Variants in LRRC38 observed in about 807,000 individuals in gnomAD.
LRRC38 encodes leucine rich repeat containing 38, also known as leucine-rich repeat-containing protein 38.
A neutral mutation model predicts 16.4 loss-of-function variants in LRRC38; 5 were observed. That is an observed-to-expected ratio of 0.31 (90% CI 0.16 to 0.64). The LOEUF (loss-of-function observed/expected upper bound fraction) is 0.64. LRRC38 is among the 30% of genes least tolerant of loss of function. The pLI, the probability that LRRC38 is intolerant of heterozygous loss-of-function variation, is 0.80. For synonymous variants in LRRC38, 191 were observed against 190.2 expected (o/e 1.00, Z -0.04); for missense variants, 341 against 401.8 (o/e 0.85, Z 1.29).
intron 1 of LRRC38, among the ~76,000 whole-genome samples, chr1:13,482,640 A>G (rs965720648): frequency 1.3e-5 from 2 of 151,586 alleles, no homozygotes; most frequent in Non-Finnish European, 2.9e-5. Context: ...GCAAGCTCAC[A>G]GAGGGGGCTT....
chr1:13,511,571 C>A (rs1391367065), intron 1 of LRRC38, among the ~76,000 whole-genome samples: 2 of 152,024 alleles, frequency 1.3e-5, no homozygotes, highest in Non-Finnish European at 2.9e-5. Flanking sequence ...ACCAACCCAA[C>A]CAACAACAGG....
intron 1 of LRRC38, among the ~76,000 whole-genome samples, chr1:13,484,969 C>T (rs1638913084): frequency 1.3e-5 from 2 of 152,200 alleles, no homozygotes; most frequent in South Asian, 4.1e-4. Context: ...CAATACCCTT[C>T]CCTGTTGCCT....
chr1:13,504,387 G>A (rs1017228205), intron 1 of LRRC38, among the ~76,000 whole-genome samples: 3 of 151,992 alleles, frequency 2.0e-5, no homozygotes, highest in African/African-American at 7.3e-5. Context: ...ACACAGATAG[G>A]AAAACAGAAA....
chr1:13,485,908 C>T (rs918320476), intron 1 of LRRC38, among the ~76,000 whole-genome samples: 1 of 151,998 alleles, frequency 6.6e-6, no homozygotes, highest in Non-Finnish European at 1.5e-5. Flanking sequence ...TGGGGAGAAT[C>T]CCTCCTGGAC....
At chr1:13,504,957 C>T (rs1262121077) in intron 1 of LRRC38, among the ~76,000 whole-genome samples, 1 of 152,068 alleles carries the variant, frequency 6.6e-6, no homozygotes, top group Non-Finnish European at 1.5e-5. Flanking sequence ...GTGCTGTTTC[C>T]TGTGCCCCAG....
Position 13,501,277 on chromosome 1 carries a change from A to T in LRRC38, c.631+11686T>A, listed in dbSNP as rs1208897842. Among the ~76,000 whole-genome samples, 4 of 152,128 alleles carry T rather than the reference A, an allele frequency of 2.6e-5. No homozygotes were observed. In the South Asian group the frequency reaches 8.3e-4, roughly 32 times the overall value. ...TATAGTACATATGTATTTATGGCACAGATGTGACATACTAATGCAAGATGT... is the reference window on the plus strand; with the variant it reads ...TATAGTACATATGTATTTATGGCACTGATGTGACATACTAATGCAAGATGT... On this transcript the variant is annotated intron_variant, in intron 1 of 1. Transcript: ENST00000376085.
At chr1:13,484,367 C>T (rs1167813944) in intron 1 of LRRC38, among the ~76,000 whole-genome samples, 1 of 152,150 alleles carries the variant, frequency 6.6e-6, no homozygotes, top group Non-Finnish European at 1.5e-5. Flanking sequence ...CCCATGTCGG[C>T]TATGTGAGGT....
intron 1 of LRRC38, among the ~76,000 whole-genome samples, chr1:13,509,447 T>G (rs186488365): frequency 1.1e-4 from 16 of 152,134 alleles, no homozygotes; most frequent in Admixed American, 1.0e-3. Flanking sequence ...CCAAGCCTCA[T>G]GCCCACTGGC....
chr1:13,487,210 TCAAGATACC>T lies in LRRC38; in HGVS notation c.632-11120_632-11112del, dbSNP rs2100497635. Reference sequence around the variant, plus strand: ...CAGAGTTGGCTTCTGTTGTTTACGCTCAAGATACCCAACCGATGGATTCTAGGACAACGG... The same window carrying T: ...CAGAGTTGGCTTCTGTTGTTTACGCTCAACCGATGGATTCTAGGACAACGG... On this transcript the variant is annotated intron_variant, in intron 1 of 1. Transcript: ENST00000376085. This position sits in a 1 kb window ranked among gnomAD's most constrained non-coding sequence, Gnocchi z 4.4. Among the ~76,000 whole-genome samples, 1 of 152,338 alleles carries T rather than the reference TCAAGATACC, an allele frequency of 6.6e-6. No individual in the cohort carries two copies. Among genetic ancestry groups the T allele is most frequent in the African/African-American group, 2.4e-5 (1 of 41,580 alleles).
chr1:13,491,361 T>C (rs1011104613), intron 1 of LRRC38, among the ~76,000 whole-genome samples: 1 of 152,210 alleles, frequency 6.6e-6, no homozygotes, highest in Non-Finnish European at 1.5e-5. Flanking sequence ...AGGGTCTTAC[T>C]CTGTCACCCA....
At chr1:13,488,509 A>T (rs1638967465) in intron 1 of LRRC38, among the ~76,000 whole-genome samples, 2 of 151,942 alleles carry the variant, frequency 1.3e-5, no homozygotes, top group South Asian at 4.2e-4. Context: ...TGACCTCATG[A>T]TCCACCCACC....
Position 13,501,840 on chromosome 1 carries a change from G to A in LRRC38, c.631+11123C>T, listed in dbSNP as rs140659660. ...TGCCCAGGCTGGAGTGCAGTGGCAC[G>A]ATCTGCACCATTCCTGGGTTCACAC... On this transcript the variant is annotated intron_variant, in intron 1 of 1. Transcript: ENST00000376085. Among the ~76,000 whole-genome samples, 637 of 152,090 alleles carry A rather than the reference G, an allele frequency of 4.2e-3. 2 individuals carry two copies. Among genetic ancestry groups the A allele is most frequent in the African/African-American group, 0.012 (487 of 41,498 alleles).
At chr1:13,486,808 C>T (rs1638941173) in intron 1 of LRRC38, among the ~76,000 whole-genome samples, 1 of 152,096 alleles carries the variant, frequency 6.6e-6, no homozygotes, top group African/African-American at 2.4e-5. Flanking sequence ...CCAGGCTGGT[C>T]TCGAACTCCC....
intron 1 of LRRC38, among the ~76,000 whole-genome samples, chr1:13,503,646 T>C (rs955179093): frequency 6.6e-6 from 1 of 152,144 alleles, no homozygotes; most frequent in Non-Finnish European, 1.5e-5. Context: ...CAGCTGACCC[T>C]GGGGGCATCT....
Position 13,476,035 on chromosome 1 carries a change from C to T in LRRC38, c.696G>A (p.Ser232=), listed in dbSNP as rs892402776. 12 of 1,550,322 alleles carry T rather than the reference C, an allele frequency of 7.7e-6. No homozygotes were observed. The highest frequency in any genetic ancestry group is 2.7e-5 in the African/African-American group (2 of 73,014). Residue 232 remains serine (S), a synonymous_variant, in exon 2 of 2, where the codon TCG becomes TCA. Coordinates refer to ENST00000376085, the MANE Select transcript of LRRC38 (RefSeq NM_001010847.2). ...ESRRISLREL[S]EASFSECRFS... is the part of the protein sequence containing the mutation. ...ACCTACACTCGCTGAAGCTGGCCTC[C>T]GACAGCTCACGCAGGGATATCCTCC...
At chr1:13,478,740 A>C (rs79040918) in intron 1 of LRRC38, among the ~76,000 whole-genome samples, 10,540 of 152,290 alleles carry the variant, frequency 0.069, 484 homozygotes, top group Middle Eastern at 0.17. Context: ...TGCTAATTAC[A>C]CAGCAACCCT....
intron 1 of LRRC38, among the ~76,000 whole-genome samples, chr1:13,481,278 A>AT (rs773135127): frequency 9.9e-5 from 15 of 151,764 alleles, no homozygotes; most frequent in Non-Finnish European, 2.1e-4. Flanking sequence ...TGTCCAGTTA[A>AT]TTTTTTTGTA....
chr1:13,493,080 G>A (rs75426602), intron 1 of LRRC38, among the ~76,000 whole-genome samples: 123,755 of 152,204 alleles, frequency 0.81, 50,487 homozygotes, highest in Middle Eastern at 0.88. Flanking sequence ...CTCGGCTCAC[G>A]AAGTGCTCTC....
chr1:13,493,299 G>A (rs1639040365), intron 1 of LRRC38, among the ~76,000 whole-genome samples: 1 of 151,060 alleles, frequency 6.6e-6, no homozygotes, highest in Non-Finnish European at 1.5e-5. Flanking sequence ...CAGGGCCAGG[G>A]TTGTGGTACG....
Sources: allele counts gnomAD v4.1 joint callset (sites outside exome capture counted in the v4.1 genomes callset), GRCh38; gene constraint gnomAD v4.1.1; non-coding constraint Gnocchi (gnomAD v3.1); transcripts MANE v1.5; gene names NCBI Gene and HGNC (gene_info 2026-07-23, HGNC 2026-07-21).